SLC26A8: variants seen among roughly 807,000 people sequenced by gnomAD.
SLC26A8 encodes solute carrier family 26 member 8.
In SLC26A8, 70 loss-of-function variants were observed where a neutral mutation model predicts 105.0. The ratio of observed to expected loss-of-function variants is 0.67; its 90% confidence interval spans 0.55 to 0.81. The LOEUF (loss-of-function observed/expected upper bound fraction) is 0.81, where lower values mean the gene tolerates loss of function less well. Ranked by LOEUF, SLC26A8 falls within the 40% of genes least tolerant of loss-of-function variation. The pLI is 0.00. For missense variants in SLC26A8, 998 were observed against 1,181.8 expected (o/e 0.84, Z 2.28); for synonymous variants, 415 against 438.3 (o/e 0.95, Z 0.66).
chr6:35,980,849 C>T (rs1263579534), intron 8 of SLC26A8, among the ~76,000 whole-genome samples: 1 of 151,982 alleles, frequency 6.6e-6, no homozygotes, highest in Non-Finnish European at 1.5e-5. Context: ...CCTGTCTCTA[C>T]AAAAAATACA....
At position 35,993,195 on chromosome 6, in the gene SLC26A8, G is replaced by GGGC. The variant is rs1562054898; in HGVS notation, c.628-522_628-521insGCC. On this transcript the variant is annotated intron_variant, in intron 5 of 19. Transcript: ENST00000490799. ...TTTTTTTGATAGAGATTGGAGGGGG[G>GGGC]GGTCTTGCTATATTACCTAGGCTGG... 1.1e-4 allele frequency among the ~76,000 whole-genome samples: 12 copies of GGGC among 111,808 alleles called. 1 individual carries two copies. The highest frequency in any genetic ancestry group is 3.3e-4 in the African/African-American group (11 of 33,026). 73.4% of individuals were successfully genotyped at this position (111,808 alleles called of 152,430 possible).
At chr6:35,991,887 A>G in intron 6 of SLC26A8, 79 bp from the exon 7 acceptor site, 1 of 1,369,706 alleles carries the variant, frequency 7.3e-7, no homozygotes, top group Non-Finnish European at 9.6e-7. Flanking sequence ...CTGTAGATTA[A>G]CCCAAAAAGA....
intron 10 of SLC26A8, among the ~76,000 whole-genome samples, chr6:35,974,856 C>G (rs572704060): frequency 6.6e-6 from 1 of 152,064 alleles, no homozygotes; most frequent in South Asian, 2.1e-4. Flanking sequence ...CCTGCGTCAG[C>G]CTCCTGGGTA....
intron 6 of SLC26A8, among the ~76,000 whole-genome samples, chr6:35,992,308 G>A (rs1029409663): frequency 6.6e-6 from 1 of 152,174 alleles, no homozygotes; most frequent in Non-Finnish European, 1.5e-5. Context: ...TCAACTGAAA[G>A]CATGGTCTAA....
chr6:35,956,016 G>A (rs1477063658), intron 16 of SLC26A8, among the ~76,000 whole-genome samples: 4 of 152,076 alleles, frequency 2.6e-5, no homozygotes, highest in South Asian at 4.1e-4. Flanking sequence ...CAAAGCAGGT[G>A]GATCCCTTGA....
rs1771559597 is a variant in SLC26A8, at chr6:35,943,571, G to C, written c.*329C>G. ...CATCTCTTTGGAGAAAGGGGAACAG[G>C]GATGAGAGGATTAAGTTAGAGATGG... On this transcript the variant is annotated 3_prime_UTR_variant, in exon 20 of 20. Transcript: ENST00000490799. 1 of 261,500 alleles carries C rather than the reference G, an allele frequency of 3.8e-6. No individual in the cohort carries two copies. The highest frequency in any genetic ancestry group is 2.1e-5 in the African/African-American group (1 of 46,540). 16.2% of individuals were successfully genotyped at this position (261,500 alleles called of 1,614,324 possible). A position where few individuals can be genotyped will look rare whatever the true frequency, so the allele number is the denominator to read the frequency against.
chr6:35,959,655 G>A (rs1772233056), intron 15 of SLC26A8, 59 bp downstream of exon 15: 4 of 1,607,502 alleles, frequency 2.5e-6, no homozygotes, highest in Admixed American at 1.7e-5. Flanking sequence ...AAGAGTGGGA[G>A]AGAGATGCCA....
chr6:35,999,026 C>G (rs1411832362), intron 4 of SLC26A8, among the ~76,000 whole-genome samples: 1 of 151,838 alleles, frequency 6.6e-6, no homozygotes, highest in Non-Finnish European at 1.5e-5. Context: ...TCCCAAGTAG[C>G]TGGGATTACA....
chr6:35,965,530 AAGTT>A (rs1772473884), intron 11 of SLC26A8, among the ~76,000 whole-genome samples: 1 of 151,556 alleles, frequency 6.6e-6, no homozygotes, highest in African/African-American at 2.4e-5. Flanking sequence ...AAATACAAAA[AAGTT>A]AGCCGGGTGT....
At chr6:35,958,474 T>G (rs1772179600) in intron 16 of SLC26A8, among the ~76,000 whole-genome samples, 1 of 151,556 alleles carries the variant, frequency 6.6e-6, no homozygotes, top group Non-Finnish European at 1.5e-5. Context: ...TTTGTCAATC[T>G]TAAGATATAC....
Position 35,962,635 on chromosome 6 carries a change from A to C in SLC26A8, c.1366-14T>G. ...AGCCAGCACAGCCTGTGGGGAAAAG[A>C]TAAATCATGGTTCATTTTCCCTTTG... On this transcript the variant is annotated splice_polypyrimidine_tract_variant and intron_variant, in intron 11 of 19. Transcript: ENST00000490799. 1 of 1,612,842 alleles carries C rather than the reference A, an allele frequency of 6.2e-7. No individual in the cohort carries two copies. The highest frequency in any genetic ancestry group is 8.5e-7 in the Non-Finnish European group (1 of 1,178,974).
intron 8 of SLC26A8, among the ~76,000 whole-genome samples, chr6:35,979,191 C>T (rs1773170133): frequency 6.6e-6 from 1 of 151,416 alleles, no homozygotes; most frequent in African/African-American, 2.4e-5. Flanking sequence ...TAATTTATAA[C>T]TTAAGGCCGG....
At chr6:35,945,194 G>A (rs1364857865) in intron 19 of SLC26A8, among the ~76,000 whole-genome samples, 1 of 152,028 alleles carries the variant, frequency 6.6e-6, no homozygotes, top group Non-Finnish European at 1.5e-5. Flanking sequence ...TCTTTAAAAT[G>A]CCAATGACAT....
chr6:35,968,614 T>TATAC (rs1772638601), intron 11 of SLC26A8, among the ~76,000 whole-genome samples: 1 of 44,992 alleles, frequency 2.2e-5, no homozygotes, highest in African/African-American at 2.0e-4. Flanking sequence ...TGTGTGTATA[T>TATAC]ATATATATAT....
chr6:35,944,011 C>T lies in SLC26A8; in HGVS notation c.2802G>A (p.Pro934=), dbSNP rs757129460. ...TCTGAGACTGGGTGGAAGCCATAGA[C>T]GGATGATACATAGGCCAGTAACGCT... ...PQQRYWPMYH[P]SMASTQSQTQ... Residue 934 remains proline, a synonymous_variant, in exon 20 of 20, where the codon CCG becomes CCA. Coordinates refer to ENST00000490799, the MANE Select transcript of SLC26A8 (RefSeq NM_052961.4). 1.2e-5 allele frequency: 19 copies of T among 1,614,038 alleles called. No homozygotes were observed. Among genetic ancestry groups the T allele is most frequent in the African/African-American group, 4.0e-5 (3 of 74,904 alleles).
At chr6:35,956,893 T>C (rs1337412124) in intron 16 of SLC26A8, among the ~76,000 whole-genome samples, 2 of 145,998 alleles carry the variant, frequency 1.4e-5, no homozygotes, top group Non-Finnish European at 3.0e-5. Context: ...CACTCCAGCC[T>C]GGGCAATAAG....
At chr6:35,949,118 A>G (rs937486243) in intron 19 of SLC26A8, among the ~76,000 whole-genome samples, 19 of 152,114 alleles carry the variant, frequency 1.2e-4, no homozygotes, top group African/African-American at 4.6e-4. Context: ...ATAGCCCAAA[A>G]TAGTTAGCTA....
At chr6:36,000,152 A>G (rs1235465351) in intron 3 of SLC26A8, 44 bp from the exon 4 acceptor site, 1 of 1,270,292 alleles carries the variant, frequency 7.9e-7, no homozygotes, top group Non-Finnish European at 1.1e-6. Flanking sequence ...TGTCTTTAAA[A>G]GTCACCTTAA....
At chr6:35,962,938 G>C (rs1180723298) in intron 11 of SLC26A8, among the ~76,000 whole-genome samples, 1 of 152,036 alleles carries the variant, frequency 6.6e-6, no homozygotes, top group African/African-American at 2.4e-5. Context: ...CAAGTAGCTG[G>C]GACTACGTGC....
Sources: allele counts gnomAD v4.1 joint callset (sites outside exome capture counted in the v4.1 genomes callset), GRCh38; gene constraint gnomAD v4.1.1; transcripts MANE v1.5; gene names NCBI Gene and HGNC (gene_info 2026-07-23, HGNC 2026-07-21).